Variants in AIRE observed in about 807,000 individuals in gnomAD.
AIRE encodes autoimmune regulator, also known as autoimmune polyendocrinopathy candidiasis ectodermal dystrophy protein.
In AIRE, 52 loss-of-function variants were observed where a neutral mutation model predicts 62.1. That is an observed-to-expected ratio of 0.84 (90% CI 0.67 to 1.06). The LOEUF (loss-of-function observed/expected upper bound fraction) is 1.06, where lower values mean the gene tolerates loss of function less well. Ranked by LOEUF, AIRE falls within the 50% of genes least tolerant of loss-of-function variation. The pLI, the probability that AIRE is intolerant of heterozygous loss-of-function variation, is 0.00. For synonymous variants in AIRE, 342 were observed against 321.6 expected, an observed-to-expected ratio of 1.06 and a Z score of -0.68; for missense variants, 774 against 755.8, an observed-to-expected ratio of 1.02 and a Z score of -0.28.
At chr21:44,295,106 G>A (rs2040592877) in intron 12 of AIRE, among the ~76,000 whole-genome samples, 1 of 152,172 alleles carries the variant, frequency 6.6e-6, no homozygotes, top group South Asian at 2.1e-4. Flanking sequence ...CCGGGGGGGT[G>A]GCCTCTTGCC....
Position 44,297,606 on chromosome 21 carries a change from G to T in AIRE, c.1567-50G>T. 3 of 1,488,548 alleles carry T rather than the reference G, an allele frequency of 2.0e-6. No individual in the cohort carries two copies. The highest frequency in any genetic ancestry group is 1.9e-6 in the Non-Finnish European group (2 of 1,069,564). 92.2% of individuals were successfully genotyped at this position (1,488,548 alleles called of 1,614,324 possible). ...TTGTAACGATGGCCATGATTCTGTGGCTGCGGCGGGGGCGCACCTGGAGGT... is the reference window on the plus strand; with the variant it reads ...TTGTAACGATGGCCATGATTCTGTGTCTGCGGCGGGGGCGCACCTGGAGGT... On this transcript the variant is annotated intron_variant, in intron 13 of 13. Coordinates refer to ENST00000291582, the MANE Select transcript of AIRE (RefSeq NM_000383.4). This position sits in a 1 kb window ranked among gnomAD's most constrained non-coding sequence, Gnocchi z 4.8.
At chr21:44,291,795 C>T (rs1040123090) in intron 8 of AIRE, among the ~76,000 whole-genome samples, 2 of 152,160 alleles carry the variant, frequency 1.3e-5, no homozygotes, top group African/African-American at 2.4e-5. Context: ...CACGTTCAGG[C>T]GAGGCTCTGC....
At chr21:44,292,527 C>A in intron 9 of AIRE, 126 bp downstream of exon 9, 1 of 677,856 alleles carries the variant, frequency 1.5e-6, no homozygotes, top group Non-Finnish European at 2.6e-6. Flanking sequence ...ACTGCCCCAG[C>A]CATAGCACTA....
At chr21:44,294,873 G>A (rs1355655785) in intron 12 of AIRE, among the ~76,000 whole-genome samples, 1 of 152,006 alleles carries the variant, frequency 6.6e-6, no homozygotes, top group Non-Finnish European at 1.5e-5. Flanking sequence ...CCTCCAGGTT[G>A]TCTCACCCCC....
At position 44,286,450 on chromosome 21, in the gene AIRE, T is replaced by C. The variant is rs1358831380; in HGVS notation, c.133-107T>C. ...GGAGATGGGCGTGGAGCTGTCCAGG[T>C]CGCCAGCGCCTCTGCCTGGGAGCTC... is the stretch of plus-strand genomic sequence containing the variant. On this transcript the variant is annotated intron_variant, in intron 1 of 13. Transcript: ENST00000291582. The surrounding 1 kb of genome is among the most constrained non-coding windows in gnomAD (Gnocchi z 6.0). 8 of 1,275,282 alleles carry C rather than the reference T, an allele frequency of 6.3e-6. No homozygotes were observed. The highest frequency in any genetic ancestry group is 8.7e-6 in the Non-Finnish European group (8 of 914,590). 79.0% of individuals were successfully genotyped at this position (1,275,282 alleles called of 1,614,324 possible).
At position 44,287,561 on chromosome 21, in the gene AIRE, G is replaced by A. The variant is rs534008464; in HGVS notation, c.508G>A (p.Ala170Thr). The A allele has an allele frequency of 1.3e-5, 20 of 1,558,954 alleles. No homozygotes were observed. The African/African-American group carries it at 1.5e-4, about 12-fold the overall frequency. Residue 170 changes from alanine to threonine, a missense_variant, in exon 4 of 14, where the codon GCA (alanine) becomes ACA (threonine). By Grantham distance (58) the Ala-to-Thr change is moderately conservative (BLOSUM62 0). This residue lies in a region of AIRE where 385 missense variants were observed against 396.0 expected (regional missense o/e 0.97). Coordinates refer to ENST00000291582, the MANE Select transcript of AIRE (RefSeq NM_000383.4). The surrounding 1 kb of genome is among the most constrained non-coding windows in gnomAD (Gnocchi z 4.3). Reference protein sequence around the residue: ...AKPPKKPESSAEQQRLPLGNG... With the variant: ...AKPPKKPESSTEQQRLPLGNG... ...GCCCCCCAAGAAGCCGGAGAGCAGC[G>A]CAGAGCAGCAGCGCCTTCCACTCGG...
rs1208447975 is a variant in AIRE at position 44,286,448 on chromosome 21, G to C, written c.133-109G>C. Reference sequence around the variant, plus strand: ...GAGGAGATGGGCGTGGAGCTGTCCAGGTCGCCAGCGCCTCTGCCTGGGAGC... The same window carrying C: ...GAGGAGATGGGCGTGGAGCTGTCCACGTCGCCAGCGCCTCTGCCTGGGAGC... On this transcript the variant is annotated intron_variant, in intron 1 of 13. Transcript: ENST00000291582. This position sits in a 1 kb window ranked among gnomAD's most constrained non-coding sequence, Gnocchi z 6.0. 7.1e-6 allele frequency: 9 copies of C among 1,265,396 alleles called. No individual in the cohort carries two copies. The highest frequency in any genetic ancestry group is 9.9e-6 in the Non-Finnish European group (9 of 905,744). 78.4% of individuals were successfully genotyped at this position (1,265,396 alleles called of 1,614,324 possible).
intron 12 of AIRE, among the ~76,000 whole-genome samples, chr21:44,295,058 G>T (rs1382274890): frequency 2.0e-5 from 3 of 152,212 alleles, no homozygotes; most frequent in Non-Finnish European, 4.4e-5. Flanking sequence ...CCCTGGAGCT[G>T]GGTGTGGGGG....
intron 11 of AIRE, 94 bp downstream of exon 11, chr21:44,294,004 A>G: frequency 7.6e-7 from 1 of 1,308,412 alleles, no homozygotes. Flanking sequence ...GCCCACAACC[A>G]CACCCCACCC....
chr21:44,294,252 C>T, intron 11 of AIRE, 149 bp from the exon 12 acceptor site: 2 of 398,146 alleles, frequency 5.0e-6, no homozygotes, highest in South Asian at 2.1e-5. Context: ...ACCCACCACT[C>T]CCACTCTCCA....
In AIRE at chr21:44,289,804, T is replaced by G; in HGVS notation, c.798+2T>G. 6.2e-7 allele frequency: 1 copy of G among 1,612,482 alleles called. No homozygotes were observed. Among genetic ancestry groups the G allele is most frequent in the Non-Finnish European group, 8.5e-7 (1 of 1,179,906 alleles). On this transcript the variant is annotated splice_donor_variant, in intron 6 of 13. Coordinates refer to ENST00000291582, the MANE Select transcript of AIRE (RefSeq NM_000383.4). LOFTEE classifies it high-confidence loss of function. ...AAGGGAGCCCAGGGCGCTGCCCCCG[T>G]AAGCACCTGACCTTCCCTGGGGAGC...
intron 7 of AIRE, chr21:44,290,875 A>G: frequency 2.5e-6 from 4 of 1,605,570 alleles, no homozygotes; most frequent in Non-Finnish European, 3.4e-6. Context: ...TTTTCTTCCC[A>G]ATAGGGATGG....
Position 44,287,685 on chromosome 21 carries a change from T to C in AIRE, c.538+94T>C. On this transcript the variant is annotated intron_variant, in intron 4 of 13. Transcript: ENST00000291582. The surrounding 1 kb of genome is among the most constrained non-coding windows in gnomAD (Gnocchi z 4.3). ...GGGCCTGCCCTCTGAGACCCTGTCCTAGGGGCTGGGGACGTGCTGGCCTGG... is the reference window on the plus strand; with the variant it reads ...GGGCCTGCCCTCTGAGACCCTGTCCCAGGGGCTGGGGACGTGCTGGCCTGG... 7.6e-7 allele frequency: 1 copy of C among 1,317,922 alleles called. No individual in the cohort carries two copies. The highest frequency in any genetic ancestry group is 1.1e-6 in the Non-Finnish European group (1 of 939,724). The allele number at this position is 1,317,922 out of a possible 1,614,324, so 81.6% of individuals were successfully genotyped here. A position where few individuals can be genotyped will look rare whatever the true frequency, so the allele number is the denominator to read the frequency against.
rs201929488 is a variant in AIRE at position 44,287,021 on chromosome 21, C to T, written c.351C>T (p.Ala117=). 6.0e-5 allele frequency: 97 copies of T among 1,612,816 alleles called. No individual in the cohort carries two copies. The highest frequency in any genetic ancestry group is 5.4e-4 in the South Asian group (49 of 91,080). The part of the protein sequence containing the change: ...SQPRKGRKPP[A]VPKALVPPPR... The stretch of plus-strand genomic sequence containing the variant: ...CCCGGAAGGGGAGGAAGCCCCCGGC[C>T]GTCCCCAAGGCTTTGGTACCGCCAC... Residue 117 remains alanine (A), a synonymous_variant, in exon 3 of 14, where the codon GCC becomes GCT. Transcript: ENST00000291582. This position sits in a 1 kb window ranked among gnomAD's most constrained non-coding sequence, Gnocchi z 4.3.
In AIRE at chr21:44,286,096, C is replaced by T. The variant is rs754316070; in HGVS notation, c.90C>T (p.His30=). The change falls in exon 1 of 14, where the codon CAC becomes CAT. Residue 30 remains histidine (H), a synonymous_variant. Coordinates refer to ENST00000291582, the MANE Select transcript of AIRE (RefSeq NM_000383.4). This position sits in a 1 kb window ranked among gnomAD's most constrained non-coding sequence, Gnocchi z 6.0. ...TGGACAGCGCCTTCCCACTGCTGCA[C>T]GCGCTGGCTGACCACGACGTGGTCC... ...VAVDSAFPLL[H]ALADHDVVPE... is the part of the protein sequence containing the mutation. 15 of 1,546,546 alleles carry T rather than the reference C, an allele frequency of 9.7e-6. No individual in the cohort carries two copies. In the East Asian group the frequency reaches 2.7e-4, roughly 28 times the overall value.
intron 13 of AIRE, among the ~76,000 whole-genome samples, chr21:44,296,799 T>G (rs974363772): frequency 6.6e-6 from 1 of 150,884 alleles, no homozygotes; most frequent in Admixed American, 6.6e-5. Context: ...CAAGATCCAC[T>G]TTCCCAGGGA....
At position 44,298,104 on chromosome 21, in the gene AIRE, T is replaced by C; in HGVS notation, c.*377T>C. On this transcript the variant is annotated 3_prime_UTR_variant, in exon 14 of 14. Coordinates refer to ENST00000291582, the MANE Select transcript of AIRE (RefSeq NM_000383.4). Reference sequence around the variant, plus strand: ...CTGAGATTGCGCCACTGCACTCCAGTCTGGTCGGCAAGAGTGAGACTCCGT... The same window carrying C: ...CTGAGATTGCGCCACTGCACTCCAGCCTGGTCGGCAAGAGTGAGACTCCGT... The C allele has an allele frequency of 3.4e-6, 1 of 295,646 alleles. No homozygotes were observed. The highest frequency in any genetic ancestry group is 4.7e-5 in the Admixed American group (1 of 21,370). The allele number at this position is 295,646 out of a possible 1,614,324, so 18.3% of individuals were successfully genotyped here.
At position 44,292,308 on chromosome 21, in the gene AIRE, C is replaced by G. The variant is rs2146382261; in HGVS notation, c.1002C>G (p.Thr334=). The G allele has an allele frequency of 3.8e-6, 6 of 1,573,384 alleles. No individual in the cohort carries two copies. The South Asian group carries it at 7.0e-5, about 18-fold the overall frequency. The change falls in exon 9 of 14, where the codon ACC becomes ACG. Residue 334 remains threonine (T), a synonymous_variant. Transcript: ENST00000291582. ...CTGGTGGACACACGAGCAGTGGGACCTGGAGGTGCTCCAGCTGCCTGCAGG... is the reference window on the plus strand; with the variant it reads ...CTGGTGGACACACGAGCAGTGGGACGTGGAGGTGCTCCAGCTGCCTGCAGG... ...SPPLREIPSG[T]WRCSSCLQAT...
rs751183826 is a variant in AIRE at position 44,297,724 on chromosome 21, C to T, written c.1635C>T (p.Ser545=). ...CCCGTCCGGCGGCCCCCTTCCCCTC[C>T]TGACCCCAGATGGCCGGGACATGCA... is the stretch of plus-strand genomic sequence containing the variant. The part of the protein sequence containing the change: ...SMARPAAPFP[S] Residue 545 remains serine (S), a synonymous_variant, in exon 14 of 14, where the codon TCC becomes TCT. Coordinates refer to ENST00000291582, the MANE Select transcript of AIRE (RefSeq NM_000383.4). This position sits in a 1 kb window ranked among gnomAD's most constrained non-coding sequence, Gnocchi z 4.8. 1 of 1,610,802 alleles carries T rather than the reference C, an allele frequency of 6.2e-7. No homozygotes were observed. The highest frequency in any genetic ancestry group is 8.5e-7 in the Non-Finnish European group (1 of 1,178,326).
Sources: allele counts gnomAD v4.1 joint callset (sites outside exome capture counted in the v4.1 genomes callset), GRCh38; gene constraint gnomAD v4.1.1; regional missense constraint gnomAD v4.1.1; non-coding constraint Gnocchi (gnomAD v3.1); transcripts MANE v1.5; gene names NCBI Gene and HGNC (gene_info 2026-07-23, HGNC 2026-07-21).